Variants in CAPRIN2 observed in about 807,000 individuals in gnomAD.
CAPRIN2 encodes the protein caprin-2.
In CAPRIN2, 66 loss-of-function variants were observed where a neutral mutation model predicts 130.4. The observed-to-expected ratio is 0.51, with a 90% CI of 0.42 to 0.62. CAPRIN2 has a LOEUF of 0.62. Ranked by LOEUF, CAPRIN2 falls within the 20% of genes least tolerant of loss-of-function variation. The pLI, the probability that CAPRIN2 is intolerant of heterozygous loss-of-function variation, is 0.00. For synonymous variants in CAPRIN2, 471 were observed against 444.1 expected (o/e 1.06, Z -0.76); for missense variants, 1,185 against 1,246.6 (o/e 0.95, Z 0.74).
In CAPRIN2 at chr12:30,723,321, G is replaced by T. The variant is rs759778253; in HGVS notation, c.1988-7C>A. 2 of 1,606,006 alleles carry T rather than the reference G, an allele frequency of 1.2e-6. No homozygotes were observed. The highest frequency in any genetic ancestry group is 4.5e-5 in the East Asian group (2 of 44,710). The stretch of plus-strand genomic sequence containing the variant: ...AGATTTTGTTCTTTAGATGCTGCAA[G>T]GAGTAAAATAAACAGTAACTACTGA... On this transcript the variant is annotated splice_polypyrimidine_tract_variant and splice_region_variant and intron_variant, in intron 10 of 16. Coordinates refer to ENST00000298892, the Ensembl canonical transcript of CAPRIN2.
chr12:30,716,348 G>A lies in CAPRIN2; in HGVS notation c.2317+160C>T, dbSNP rs992570690. The A allele has an allele frequency of 8.3e-6, 5 of 604,942 alleles. No homozygotes were observed. The East Asian group carries it at 1.5e-4, about 19-fold the overall frequency. The allele number at this position is 604,942 out of a possible 1,614,324, so 37.5% of individuals were successfully genotyped here. A position where few individuals can be genotyped will look rare whatever the true frequency, so the allele number is the denominator to read the frequency against. On this transcript the variant is annotated intron_variant, in intron 13 of 16. Coordinates refer to ENST00000298892, the Ensembl canonical transcript of CAPRIN2. ...TAATAGGTAAACTTAACACAAAAAA[G>A]GGCATTAGGTTTTTCTCAACACTGG... is the stretch of plus-strand genomic sequence containing the variant.
At chr12:30,729,248 A>G (rs2061835154) in exon 8 of CAPRIN2, 1 of 1,611,672 alleles carries the variant, frequency 6.2e-7, no homozygotes, top group Non-Finnish European at 8.5e-7. Context: ...GTTTTCTAGC[A>G]TAATCTGCTT....
intron 2 of CAPRIN2, among the ~76,000 whole-genome samples, chr12:30,749,608 T>G (rs1810560448): frequency 6.6e-6 from 1 of 152,164 alleles, no homozygotes; most frequent in Non-Finnish European, 1.5e-5. Flanking sequence ...AGGAGATAAA[T>G]TCTCCAAGAT....
intron 12 of CAPRIN2, 68 bp from the exon 14 acceptor site, chr12:30,719,293 C>T (rs1458389384): frequency 1.3e-6 from 2 of 1,565,276 alleles, no homozygotes; most frequent in Non-Finnish European, 1.7e-6. Flanking sequence ...TACTCTAAAA[C>T]CCAAACTGGC....
rs778466043 is a variant in CAPRIN2, at chr12:30,728,715, A to C, written c.1715T>G (p.Val572Gly). Residue 572 changes from valine to glycine, a missense_variant, in exon 8 of 17, where the codon GTA becomes GGA. This residue lies in a region of CAPRIN2 where 1,104 missense variants were observed against 1,104.3 expected (regional missense o/e 1.00). Transcript: ENST00000298892. ...ATTTGGTATGAGGCTTGCTGTAGCTACTCCCCAGGACTTTGGAGAAATCTG... is the reference window on the plus strand; with the variant it reads ...ATTTGGTATGAGGCTTGCTGTAGCTCCTCCCCAGGACTTTGGAGAAATCTG... 4 of 1,613,778 alleles carry C rather than the reference A, an allele frequency of 2.5e-6. No individual in the cohort carries two copies. The highest frequency in any genetic ancestry group is 1.1e-5 in the South Asian group (1 of 91,046).
intron 8 of CAPRIN2, among the ~76,000 whole-genome samples, chr12:30,726,946 T>C (rs933837705): frequency 6.6e-6 from 1 of 152,156 alleles, no homozygotes; most frequent in Non-Finnish European, 1.5e-5. Context: ...AATACTATAT[T>C]ACACATAGAA....
At chr12:30,743,487 T>C (rs2068479085) in intron 2 of CAPRIN2, among the ~76,000 whole-genome samples, 1 of 152,174 alleles carries the variant, frequency 6.6e-6, no homozygotes. Flanking sequence ...TCATTTTGGT[T>C]GACTTAGCAG....
At chr12:30,726,330 G>A (rs759258079) in intron 8 of CAPRIN2, among the ~76,000 whole-genome samples, 1 of 152,122 alleles carries the variant, frequency 6.6e-6, no homozygotes, top group Non-Finnish European at 1.5e-5. Context: ...GGAAGATCCA[G>A]CAGAACTTCC....
rs772324504 is a variant in CAPRIN2, at chr12:30,728,630, T to A, written c.1782+18A>T. ...TATGCCTACACTTACAGAAGCAGAA[T>A]GATACAGATCAACTCACATCTTTGG... On this transcript the variant is annotated intron_variant, in intron 8 of 16. Transcript: ENST00000298892. 1 of 1,574,566 alleles carries A rather than the reference T, an allele frequency of 6.4e-7. No homozygotes were observed. The highest frequency in any genetic ancestry group is 8.6e-7 in the Non-Finnish European group (1 of 1,161,918).
intron 10 of CAPRIN2, among the ~76,000 whole-genome samples, chr12:30,724,048 A>G (rs1213275990): frequency 1.3e-5 from 2 of 152,226 alleles, no homozygotes; most frequent in Non-Finnish European, 2.9e-5. Flanking sequence ...AAGCCTCAAC[A>G]CTAGATTTAG....
chr12:30,735,977 C>CA (rs1238231885), intron 3 of CAPRIN2, among the ~76,000 whole-genome samples: 2 of 151,824 alleles, frequency 1.3e-5, no homozygotes, highest in African/African-American at 2.4e-5. Context: ...CCCATCTCTA[C>CA]AAAAAATACA....
At chr12:30,713,461 C>T (rs2056096367) in intron 15 of CAPRIN2, among the ~76,000 whole-genome samples, 1 of 152,164 alleles carries the variant, frequency 6.6e-6, no homozygotes, top group Non-Finnish European at 1.5e-5. Context: ...TTACCATTTC[C>T]TTGATAAGTG....
intron 12 of CAPRIN2, among the ~76,000 whole-genome samples, chr12:30,718,186 C>A (rs1264224651): frequency 1.3e-5 from 2 of 152,166 alleles, no homozygotes; most frequent in Admixed American, 1.3e-4. Context: ...TGTAATGGAA[C>A]ACTGCTTGCT....
intron 3 of CAPRIN2, among the ~76,000 whole-genome samples, chr12:30,738,960 G>A (rs1488737177): frequency 6.6e-6 from 1 of 152,222 alleles, no homozygotes; most frequent in Non-Finnish European, 1.5e-5. Flanking sequence ...TGATGAGAGT[G>A]TAAATTAGGT....
chr12:30,709,707 A>G, exon 17 of CAPRIN2: 1 of 554,038 alleles, frequency 1.8e-6, no homozygotes, highest in East Asian at 2.9e-5. Flanking sequence ...CACAATTTAT[A>G]AAGTGCCAGA....
At chr12:30,751,378 A>T (rs1665587873) in intron 1 of CAPRIN2, 2 of 456,010 alleles carry the variant, frequency 4.4e-6, no homozygotes. Flanking sequence ...TTTTCTCTTA[A>T]TGACTCTATT....
exon 1 of CAPRIN2, chr12:30,753,551 T>G: frequency 6.2e-7 from 1 of 1,614,124 alleles, no homozygotes. Flanking sequence ...CTGAATGGCC[T>G]GAAGGTGACT....
At chr12:30,731,633 T>A in intron 5 of CAPRIN2, 123 bp from the exon 7 acceptor site, 1 of 742,834 alleles carries the variant, frequency 1.3e-6, no homozygotes, top group Non-Finnish European at 2.2e-6. Flanking sequence ...ATGTACATAG[T>A]ACATCCTTAC....
chr12:30,721,038 A>G, intron 11 of CAPRIN2, 123 bp from the exon 13 acceptor site: 1 of 673,318 alleles, frequency 1.5e-6, no homozygotes, highest in Admixed American at 2.3e-5. Flanking sequence ...GCACTCTGCT[A>G]AACACTTTAT....
Sources: allele counts gnomAD v4.1 joint callset (sites outside exome capture counted in the v4.1 genomes callset), GRCh38; gene constraint gnomAD v4.1.1; regional missense constraint gnomAD v4.1.1; transcripts MANE v1.5; gene names NCBI Gene and HGNC (gene_info 2026-07-23, HGNC 2026-07-21).